SLC25A12: variants seen among roughly 807,000 people sequenced by gnomAD.
SLC25A12 encodes solute carrier family 25 member 12, also known as electrogenic aspartate/glutamate antiporter SLC25A12, mitochondrial.
SLC25A12 carries 32 observed loss-of-function variants against 83.3 expected under a neutral mutation model. That is an observed-to-expected ratio of 0.38 (90% CI 0.29 to 0.52). The LOEUF is 0.52. SLC25A12 is among the 20% of genes least tolerant of loss of function. The pLI, the probability that SLC25A12 is intolerant of heterozygous loss-of-function variation, is 0.84. For synonymous variants in SLC25A12, 267 were observed against 291.1 expected (o/e 0.92, Z 0.84); for missense variants, 611 against 835.6 (o/e 0.73, Z 3.31).
intron 5 of SLC25A12, among the ~76,000 whole-genome samples, chr2:171,841,789 T>C (rs543424696): frequency 6.6e-6 from 1 of 152,232 alleles, no homozygotes; most frequent in African/African-American, 2.4e-5. Flanking sequence ...AAAGAAGAGA[T>C]AAAATGCAGC....
In SLC25A12 at chr2:171,803,149, G is replaced by C. The variant is rs373258501; in HGVS notation, c.1305+6457C>G. On this transcript the variant is annotated intron_variant, in intron 13 of 17. Coordinates refer to ENST00000422440, the MANE Select transcript of SLC25A12 (RefSeq NM_003705.5). ...AAAAAAAAAAACCTAAAAAACTTAG[G>C]CTTAAAAATCGGAAAAGACCTAGAT... 4.6e-5 allele frequency among the ~76,000 whole-genome samples: 7 copies of C among 151,140 alleles called. No homozygotes were observed. In the East Asian group the frequency reaches 9.7e-4, roughly 21 times the overall value.
At chr2:171,829,439 G>A (rs967151363) in intron 8 of SLC25A12, among the ~76,000 whole-genome samples, 1 of 152,048 alleles carries the variant, frequency 6.6e-6, no homozygotes, top group Non-Finnish European at 1.5e-5. Context: ...TCTCTCAGGG[G>A]CAATGGCAAC....
At chr2:171,874,819 G>C (rs563139400) in intron 2 of SLC25A12, among the ~76,000 whole-genome samples, 1 of 152,288 alleles carries the variant, frequency 6.6e-6, no homozygotes, top group African/African-American at 2.4e-5. Flanking sequence ...TTAAAAGTGG[G>C]AATTAAATAT....
Position 171,783,643 on chromosome 2 carries a change from CT to C in SLC25A12, c.*1630del, listed in dbSNP as rs1005217286. ...AGGTAGAAGGAGGGTAAGCGGGACA[CT>C]TTCCCATCTCACTCTAGATACATAC... On this transcript the variant is annotated 3_prime_UTR_variant, in exon 18 of 18. Transcript: ENST00000422440. Among the ~76,000 whole-genome samples the C allele has an allele frequency of 1.3e-5, 2 of 152,212 alleles. No homozygotes were observed. Among genetic ancestry groups the C allele is most frequent in the Non-Finnish European group, 2.9e-5 (2 of 68,044 alleles).
At chr2:171,863,066 A>T (rs1412584237) in intron 3 of SLC25A12, among the ~76,000 whole-genome samples, 2 of 151,894 alleles carry the variant, frequency 1.3e-5, no homozygotes, top group Admixed American at 6.6e-5. Context: ...CAACTGGCTA[A>T]TTTTTTTCTT....
intron 5 of SLC25A12, among the ~76,000 whole-genome samples, chr2:171,843,795 C>CTTTTTT (rs71013078): frequency 8.5e-6 from 1 of 117,296 alleles, no homozygotes; most frequent in Non-Finnish European, 1.7e-5. Flanking sequence ...AAAGAACTAG[C>CTTTTTT]TTTTTTTTTT....
Position 171,866,768 on chromosome 2 carries a change from C to T in SLC25A12, c.209+1913G>A, listed in dbSNP as rs1369594718. ...GGCGGCTGGCCGGGTGGGGGGCTGA[C>T]CCCCCCCACCTCCCTCCCGGACGGG... On this transcript the variant is annotated intron_variant, in intron 3 of 17. Coordinates refer to ENST00000422440, the MANE Select transcript of SLC25A12 (RefSeq NM_003705.5). 2.6e-4 allele frequency among the ~76,000 whole-genome samples: 31 copies of T among 119,424 alleles called. 1 individual carries two copies. The highest frequency in any genetic ancestry group is 8.9e-4 in the South Asian group (3 of 3,388). 78.3% of individuals were successfully genotyped at this position (119,424 alleles called of 152,430 possible). A position where few individuals can be genotyped will look rare whatever the true frequency, so the allele number is the denominator to read the frequency against.
intron 3 of SLC25A12, among the ~76,000 whole-genome samples, chr2:171,859,652 T>C (rs1280045487): frequency 3.9e-5 from 6 of 152,070 alleles, no homozygotes; most frequent in Non-Finnish European, 8.8e-5. Flanking sequence ...ATAAGTGGAG[T>C]ACTGGTTATC....
At chr2:171,865,297 T>C (rs1393610852) in intron 3 of SLC25A12, among the ~76,000 whole-genome samples, 1 of 152,220 alleles carries the variant, frequency 6.6e-6, no homozygotes, top group Non-Finnish European at 1.5e-5. Context: ...TCCTTGATAA[T>C]CGCAGTAAAT....
intron 8 of SLC25A12, among the ~76,000 whole-genome samples, chr2:171,829,976 A>C (rs1684396071): frequency 6.6e-6 from 1 of 152,246 alleles, no homozygotes; most frequent in African/African-American, 2.4e-5. Flanking sequence ...AAAAGGGAAT[A>C]ACTAAGGCAG....
At chr2:171,893,394 A>G in intron 1 of SLC25A12, 136 bp from the exon 2 acceptor site, 1 of 797,774 alleles carries the variant, frequency 1.3e-6, no homozygotes. Context: ...TAAAAGCCCT[A>G]ATTGCTGATA....
chr2:171,855,006 T>C (rs1231835995), intron 4 of SLC25A12, among the ~76,000 whole-genome samples: 1 of 152,204 alleles, frequency 6.6e-6, no homozygotes, highest in Non-Finnish European at 1.5e-5. Flanking sequence ...AAACTGTACA[T>C]TTAAAATCAT....
intron 4 of SLC25A12, among the ~76,000 whole-genome samples, chr2:171,849,483 T>C (rs1312651410): frequency 6.6e-6 from 1 of 151,932 alleles, no homozygotes; most frequent in Admixed American, 6.6e-5. Flanking sequence ...AAGCTATATA[T>C]TTATTATCAT....
At chr2:171,829,470 C>G (rs1427732448) in intron 8 of SLC25A12, among the ~76,000 whole-genome samples, 1 of 152,044 alleles carries the variant, frequency 6.6e-6, no homozygotes, top group Non-Finnish European at 1.5e-5. Flanking sequence ...TAACCCCTTG[C>G]CAAGTGTTTC....
intron 2 of SLC25A12, among the ~76,000 whole-genome samples, chr2:171,879,160 T>C (rs1046115570): frequency 2.6e-5 from 4 of 152,242 alleles, no homozygotes; most frequent in African/African-American, 9.6e-5. Context: ...TTTTAATTAG[T>C]AATGTAAAAT....
At chr2:171,866,529 G>C (rs1186815393) in intron 3 of SLC25A12, among the ~76,000 whole-genome samples, 1 of 147,166 alleles carries the variant, frequency 6.8e-6, no homozygotes, top group Non-Finnish European at 1.5e-5. Flanking sequence ...TTCCCAGTAG[G>C]GGCGGCCGGG....
intron 9 of SLC25A12, among the ~76,000 whole-genome samples, chr2:171,821,139 C>T (rs1289344557): frequency 2.8e-5 from 4 of 141,958 alleles, no homozygotes; most frequent in African/African-American, 5.2e-5. Context: ...AAGCAATTCT[C>T]GTGCCTCAGC....
chr2:171,877,674 A>G (rs76743745), intron 2 of SLC25A12, among the ~76,000 whole-genome samples: 11 of 93,066 alleles, frequency 1.2e-4, no homozygotes, highest in African/African-American at 3.0e-4. Flanking sequence ...CATCCCAGGA[A>G]AAAAAAAAAA....
rs561290989 is a variant in SLC25A12, at chr2:171,819,400, T to G, written c.931-4198A>C. The stretch of plus-strand genomic sequence containing the variant: ...ATTATATATAATATATATTATATAA[T>G]TATATAAGTATATAATTATGTTATA... On this transcript the variant is annotated intron_variant, in intron 9 of 17. Transcript: ENST00000422440. 6.7e-3 allele frequency among the ~76,000 whole-genome samples: 391 copies of G among 58,534 alleles called. 4 individuals carry two copies. Among genetic ancestry groups the G allele is most frequent in the African/African-American group, 0.017 (374 of 21,602 alleles). 38.4% of individuals were successfully genotyped at this position (58,534 alleles called of 152,430 possible). A position where few individuals can be genotyped will look rare whatever the true frequency, so the allele number is the denominator to read the frequency against.
Sources: allele counts gnomAD v4.1 joint callset (sites outside exome capture counted in the v4.1 genomes callset), GRCh38; gene constraint gnomAD v4.1.1; transcripts MANE v1.5; gene names NCBI Gene and HGNC (gene_info 2026-07-23, HGNC 2026-07-21).